The following SHISA9 variants were observed in gnomAD, a reference collection of about 807,000 sequenced individuals.
SHISA9 encodes the protein shisa family member 9, also known as protein shisa-9.
Under a neutral mutation model 38.0 loss-of-function variants are expected in SHISA9, and 13 were observed. The ratio of observed to expected loss-of-function variants is 0.34; its 90% CI spans 0.22 to 0.54. The LOEUF (loss-of-function observed/expected upper bound fraction) is 0.54. Ranked by LOEUF, SHISA9 falls within the 20% of genes least tolerant of loss-of-function variation. The probability of loss-of-function intolerance (pLI) is 0.91; values close to 1 mark genes in which losing one functional copy is unlikely to be tolerated. For synonymous variants in SHISA9, 275 were observed against 242.0 expected, an observed-to-expected ratio of 1.14 and a Z score of -1.27; for missense variants, 538 against 575.8, an observed-to-expected ratio of 0.93 and a Z score of 0.67.
the SHISA9 span, among the ~76,000 whole-genome samples, chr16:13,394,722 A>G: frequency 1.3e-5 from 2 of 152,146 alleles, no homozygotes; most frequent in Non-Finnish European, 2.9e-5. Context: ...TTAGGACAGT[A>G]TTGTGTCACT....
the SHISA9 span, among the ~76,000 whole-genome samples, chr16:13,352,662 G>A: frequency 2.1e-4 from 23 of 108,306 alleles, no homozygotes; most frequent in African/African-American, 6.3e-4. Flanking sequence ...GGGCGCAGGC[G>A]GGCTGAGTCC....
At chr16:13,409,885 G>A in the SHISA9 span, among the ~76,000 whole-genome samples, 1 of 152,154 alleles carries the variant, frequency 6.6e-6, no homozygotes, top group Admixed American at 6.5e-5. Context: ...TTACCTGAAG[G>A]GGCCCCAAAA....
intron 4 of SHISA9, among the ~76,000 whole-genome samples, chr16:13,228,108 A>G (rs1029219161): frequency 6.6e-6 from 1 of 152,228 alleles, no homozygotes; most frequent in African/African-American, 2.4e-5. Context: ...TTTCACACCT[A>G]AGGAAACAGG....
intron 2 of SHISA9, among the ~76,000 whole-genome samples, chr16:13,031,118 A>C (rs915034058): frequency 6.6e-6 from 1 of 152,146 alleles, no homozygotes; most frequent in African/African-American, 2.4e-5. Flanking sequence ...CCCGCGGGGC[A>C]CTGTGATTAC....
At chr16:13,417,290 A>C in the SHISA9 span, among the ~76,000 whole-genome samples, 1 of 152,202 alleles carries the variant, frequency 6.6e-6, no homozygotes, top group East Asian at 1.9e-4. Context: ...TTGTCACTCG[A>C]GGGAATTTAG....
chr16:13,509,559 A>G, the SHISA9 span, among the ~76,000 whole-genome samples: 6 of 152,244 alleles, frequency 3.9e-5, no homozygotes, highest in African/African-American at 1.4e-4. Flanking sequence ...AAGTAATATT[A>G]TTCCTAAGGT....
At chr16:13,084,434 T>C (rs1471926296) in intron 2 of SHISA9, among the ~76,000 whole-genome samples, 1 of 152,186 alleles carries the variant, frequency 6.6e-6, no homozygotes, top group East Asian at 1.9e-4. Context: ...AGGAGAGGCT[T>C]GTGGGAAAAT....
At chr16:12,990,729 T>A (rs1399689450) in intron 2 of SHISA9, among the ~76,000 whole-genome samples, 2 of 152,156 alleles carry the variant, frequency 1.3e-5, no homozygotes, top group Non-Finnish European at 2.9e-5. Context: ...CATCCCACAA[T>A]GTAGTGGGCA....
chr16:13,276,272 C>CACA, the SHISA9 span, among the ~76,000 whole-genome samples: 4 of 151,488 alleles, frequency 2.6e-5, no homozygotes, highest in African/African-American at 9.8e-5. Context: ...GCATAGTATT[C>CACA]CATCATATAT....
At chr16:13,554,051 A>G in the SHISA9 span, among the ~76,000 whole-genome samples, 2 of 152,118 alleles carry the variant, frequency 1.3e-5, no homozygotes, top group Non-Finnish European at 2.9e-5. Context: ...TGCTTCCTCT[A>G]TTTTGGGGGG....
chr16:13,066,012 T>G (rs1488728519), intron 2 of SHISA9, among the ~76,000 whole-genome samples: 1 of 152,186 alleles, frequency 6.6e-6, no homozygotes, highest in Non-Finnish European at 1.5e-5. Flanking sequence ...GACCTTCAAT[T>G]TACCATCCAA....
At chr16:12,983,731 A>G (rs1410289001) in intron 2 of SHISA9, among the ~76,000 whole-genome samples, 1 of 152,118 alleles carries the variant, frequency 6.6e-6, no homozygotes, top group Non-Finnish European at 1.5e-5. Flanking sequence ...CTTGTGATCC[A>G]CCTGCCTCAG....
chr16:13,085,148 C>G (rs1373270287), intron 2 of SHISA9, among the ~76,000 whole-genome samples: 2 of 152,132 alleles, frequency 1.3e-5, no homozygotes, highest in Non-Finnish European at 2.9e-5. Flanking sequence ...ATATGGTGGA[C>G]TCAACTGGCA....
the SHISA9 span, among the ~76,000 whole-genome samples, chr16:13,552,031 G>GA: frequency 0.034 from 5,059 of 150,744 alleles, 118 homozygotes; most frequent in Non-Finnish European, 0.052. Flanking sequence ...CATCTGAAAA[G>GA]AAAAAAAAAT....
chr16:13,008,682 T>C (rs62027191), intron 2 of SHISA9, among the ~76,000 whole-genome samples: 6,228 of 109,568 alleles, frequency 0.057, 441 homozygotes, highest in East Asian at 0.11. Flanking sequence ...TCCCTCCCTC[T>C]CTCTCTCTCT....
At chr16:13,084,330 A>G (rs961533630) in intron 2 of SHISA9, among the ~76,000 whole-genome samples, 1 of 152,204 alleles carries the variant, frequency 6.6e-6, no homozygotes, top group African/African-American at 2.4e-5. Flanking sequence ...CTTTGTGGAA[A>G]TATGTTCCCA....
the SHISA9 span, among the ~76,000 whole-genome samples, chr16:13,254,862 A>C: frequency 6.6e-6 from 1 of 152,210 alleles, no homozygotes; most frequent in South Asian, 2.1e-4. Context: ...TGTTGCCCAG[A>C]GGCGACGTGG....
chr16:13,197,124 C>G lies in SHISA9; in HGVS notation c.692-6270C>G, dbSNP rs993727987. On this transcript the variant is annotated intron_variant, in intron 2 of 4. Transcript: ENST00000558583. ...GTACATACACACACACACACACACA[C>G]ACACACACACACATATATGTGTATA... Among the ~76,000 whole-genome samples the G allele has an allele frequency of 1.3e-4, 18 of 143,240 alleles. No homozygotes were observed. The East Asian group carries it at 1.5e-3, about 12-fold the overall frequency. 94.0% of individuals were successfully genotyped at this position (143,240 alleles called of 152,430 possible). A position where few individuals can be genotyped will look rare whatever the true frequency, so the allele number is the denominator to read the frequency against.
the SHISA9 span, among the ~76,000 whole-genome samples, chr16:13,511,956 T>C: frequency 6.6e-6 from 1 of 152,034 alleles, no homozygotes; most frequent in Admixed American, 6.6e-5. Flanking sequence ...CAGGAAAAGT[T>C]CCTATTCCTG....
Sources: gnomAD v4.1 joint callset for allele counts (sites outside exome capture counted in the v4.1 genomes callset) on GRCh38, gnomAD v4.1.1 for gene constraint, MANE v1.5 for transcripts, NCBI Gene and HGNC (gene_info 2026-07-23, HGNC 2026-07-21) for gene names.